CERS4: variants seen among roughly 807,000 people sequenced by gnomAD.
The protein encoded by CERS4 is LAG1 homolog, ceramide synthase 4.
Under a neutral mutation model 51.8 loss-of-function variants are expected in CERS4, and 65 were observed. The observed-to-expected ratio is 1.26, with a 90% CI of 1.03 to 1.54. The LOEUF (loss-of-function observed/expected upper bound fraction) is 1.54, where lower values mean the gene tolerates loss of function less well. CERS4 is among the 40% of genes most tolerant of loss of function. The pLI is 0.00. For synonymous variants in CERS4, 228 were observed against 208.4 expected (o/e 1.09, Z -0.81); for missense variants, 563 against 500.4 (o/e 1.13, Z -1.19).
At chr19:8,243,325 C>A (rs1235062607) in intron 2 of CERS4, among the ~76,000 whole-genome samples, 1 of 151,990 alleles carries the variant, frequency 6.6e-6, no homozygotes, top group African/African-American at 2.4e-5. Flanking sequence ...CTTGAGCCCC[C>A]ACGGGCACAC....
intron 2 of CERS4, among the ~76,000 whole-genome samples, chr19:8,245,126 A>ACAAACAAAAACAAAAAAACAATC (rs1555777241): frequency 6.8e-6 from 1 of 148,130 alleles, no homozygotes; most frequent in African/African-American, 2.5e-5. Flanking sequence ...AAAAAAAAAA[A>ACAAACAAAAACAAAAAAACAATC]AAAAAAAAAC....
At position 8,262,295 on chromosome 19, in the gene CERS4, C is replaced by A; in HGVS notation, c.*186C>A. On this transcript the variant is annotated 3_prime_UTR_variant, in exon 12 of 12. Transcript: ENST00000251363. ...CCCACCCACCCTTCTTCCCTCTGGG[C>A]AACTGGACAGATCTGGGAGCCAGCA... The A allele has an allele frequency of 1.8e-6, 1 of 542,540 alleles. No individual in the cohort carries two copies. The highest frequency in any genetic ancestry group is 2.9e-6 in the Non-Finnish European group (1 of 343,566). The allele number at this position is 542,540 out of a possible 1,614,324, so 33.6% of individuals were successfully genotyped here.
At chr19:8,235,277 G>T (rs1968199364) in intron 2 of CERS4, among the ~76,000 whole-genome samples, 1 of 151,550 alleles carries the variant, frequency 6.6e-6, no homozygotes, top group Non-Finnish European at 1.5e-5. Flanking sequence ...AAAGTGCTGG[G>T]ATTACAGGCG....
At chr19:8,238,507 A>T in intron 2 of CERS4, 1 of 985,356 alleles carries the variant, frequency 1.0e-6, no homozygotes, top group Non-Finnish European at 1.2e-6. Flanking sequence ...CATGGGGCTG[A>T]GGTAACCAGA....
intron 10 of CERS4, among the ~76,000 whole-genome samples, chr19:8,259,594 G>A (rs1380044407): frequency 6.6e-6 from 1 of 152,116 alleles, no homozygotes. Flanking sequence ...CCCAGGGTAG[G>A]CGAGAGAAGT....
intron 2 of CERS4, among the ~76,000 whole-genome samples, chr19:8,213,225 A>G (rs1015060296): frequency 6.6e-6 from 1 of 150,564 alleles, no homozygotes; most frequent in African/African-American, 2.4e-5. Flanking sequence ...GAGTTTTGCC[A>G]GTTGCCCAGG....
intron 2 of CERS4, among the ~76,000 whole-genome samples, chr19:8,211,805 TCTCTTGAA>T (rs1220217867): frequency 3.4e-5 from 5 of 148,152 alleles, no homozygotes; most frequent in African/African-American, 1.3e-4. Context: ...GGCAGGAGAA[TCTCTTGAA>T]CCTGGGAGGC....
intron 10 of CERS4, among the ~76,000 whole-genome samples, chr19:8,260,342 ACAC>A (rs1969614811): frequency 6.7e-6 from 1 of 148,310 alleles, no homozygotes; most frequent in Non-Finnish European, 1.5e-5. Context: ...TTATAGGCAC[ACAC>A]CACCACACCT....
intron 2 of CERS4, among the ~76,000 whole-genome samples, chr19:8,231,317 A>G (rs984022764): frequency 6.6e-6 from 1 of 152,142 alleles, no homozygotes; most frequent in African/African-American, 2.4e-5. Context: ...TCCTTTGAAG[A>G]GCAATGATTT....
chr19:8,227,708 A>C (rs778225105), intron 2 of CERS4, among the ~76,000 whole-genome samples: 1 of 152,150 alleles, frequency 6.6e-6, no homozygotes, highest in Non-Finnish European at 1.5e-5. Context: ...ATTATGGTAC[A>C]TGAAATCAGC....
At chr19:8,248,579 TGATGGATG>T (rs914826549) in intron 2 of CERS4, among the ~76,000 whole-genome samples, 2 of 150,068 alleles carry the variant, frequency 1.3e-5, no homozygotes. Flanking sequence ...GACAGATGGA[TGATGGATG>T]GATGGGTGAA....
In CERS4 at chr19:8,254,624, C is replaced by A. The variant is rs1315348820; in HGVS notation, c.291+8C>A. ...GGGCACAGGCCCAAGGAGGTGAGAG[C>A]CCCCCATGCCCTCCGACCCGCACTA... is the stretch of plus-strand genomic sequence containing the variant. On this transcript the variant is annotated splice_region_variant and intron_variant, in intron 4 of 11. Coordinates refer to ENST00000251363, the MANE Select transcript of CERS4 (RefSeq NM_024552.3). The A allele has an allele frequency of 5.0e-6, 8 of 1,597,522 alleles. No individual in the cohort carries two copies. In the Admixed American group the frequency reaches 5.1e-5, roughly 10 times the overall value.
At chr19:8,253,619 C>A (rs549569488) in intron 3 of CERS4, among the ~76,000 whole-genome samples, 1 of 152,012 alleles carries the variant, frequency 6.6e-6, no homozygotes, top group Admixed American at 6.6e-5. Flanking sequence ...GGCCCGCCAC[C>A]TCGCCCGGCT....
At chr19:8,215,492 CAA>C (rs1215928088) in intron 2 of CERS4, among the ~76,000 whole-genome samples, 1 of 145,170 alleles carries the variant, frequency 6.9e-6, no homozygotes, top group Admixed American at 6.8e-5. Context: ...AAAAAAAAAA[CAA>C]AAAACAAGCA....
At chr19:8,232,478 G>C (rs1266224658) in intron 2 of CERS4, among the ~76,000 whole-genome samples, 3 of 151,762 alleles carry the variant, frequency 2.0e-5, no homozygotes, top group African/African-American at 7.3e-5. Context: ...TTTTAGTAGA[G>C]ACGGGGTTTC....
At chr19:8,231,873 T>TTTTTTTTTTG (rs61532670) in intron 2 of CERS4, among the ~76,000 whole-genome samples, 1 of 119,552 alleles carries the variant, frequency 8.4e-6, no homozygotes, top group Non-Finnish European at 1.8e-5. Context: ...TTTTTTTTTT[T>TTTTTTTTTTG]AGAGACAGTC....
rs2336170 is a variant in CERS4, at chr19:8,211,196, G to A, written c.-2+334G>A. Among the ~76,000 whole-genome samples, 4 of 152,016 alleles carry A rather than the reference G, an allele frequency of 2.6e-5. No individual in the cohort carries two copies. The South Asian group carries it at 6.2e-4, about 24-fold the overall frequency. On this transcript the variant is annotated intron_variant, in intron 2 of 11. Coordinates refer to ENST00000251363, the MANE Select transcript of CERS4 (RefSeq NM_024552.3). ...TTGAATAAAGCGGTTGACCCAGTGC[G>A]TGGCACAGAATGTCTTGGCTCAGGA...
chr19:8,216,095 C>T (rs1024664399), intron 2 of CERS4, among the ~76,000 whole-genome samples: 3 of 152,004 alleles, frequency 2.0e-5, no homozygotes, highest in Non-Finnish European at 4.4e-5. Flanking sequence ...AAATTGTAGC[C>T]CTGCCAGGCA....
At chr19:8,231,552 T>C (rs1968002275) in intron 2 of CERS4, among the ~76,000 whole-genome samples, 1 of 152,008 alleles carries the variant, frequency 6.6e-6, no homozygotes, top group African/African-American at 2.4e-5. Flanking sequence ...CTCTTTTCTT[T>C]TCTTTTTCTT....
Sources: gnomAD v4.1 joint callset for allele counts (sites outside exome capture counted in the v4.1 genomes callset) on GRCh38, gnomAD v4.1.1 for gene constraint, MANE v1.5 for transcripts, NCBI Gene and HGNC (gene_info 2026-07-23, HGNC 2026-07-21) for gene names.